CYP7B1: variants seen among roughly 807,000 people sequenced by gnomAD.
CYP7B1 encodes the protein cytochrome P450 family 7 subfamily B member 1, also known as cytochrome P450 7B1.
Under a neutral mutation model 42.7 loss-of-function variants are expected in CYP7B1, and 29 were observed. The ratio of observed to expected loss-of-function variants is 0.68; its 90% CI spans 0.51 to 0.93. The LOEUF (loss-of-function observed/expected upper bound fraction) is 0.93. Among genes scored for constraint, CYP7B1 ranks in the 40% least tolerant of loss-of-function variants. The probability of loss-of-function intolerance (pLI) is 0.00; values close to 1 mark genes in which losing one functional copy is unlikely to be tolerated. For missense variants in CYP7B1, 655 were observed against 600.5 expected, an observed-to-expected ratio of 1.09 and a Z score of -0.95; for synonymous variants, 235 against 218.2, an observed-to-expected ratio of 1.08 and a Z score of -0.68.
intron 1 of CYP7B1, among the ~76,000 whole-genome samples, chr8:64,644,664 G>T (rs1343053082): frequency 6.6e-6 from 1 of 152,096 alleles, no homozygotes. Context: ...TCTCAACAAT[G>T]AACTTAAAAT....
At chr8:64,677,474 G>A (rs993119117) in intron 1 of CYP7B1, among the ~76,000 whole-genome samples, 4 of 148,036 alleles carry the variant, frequency 2.7e-5, no homozygotes, top group South Asian at 2.1e-4. Context: ...ATGATTTCCT[G>A]GTGATTATAT....
At chr8:64,740,594 C>T (rs1262832355) in intron 1 of CYP7B1, among the ~76,000 whole-genome samples, 2 of 151,218 alleles carry the variant, frequency 1.3e-5, no homozygotes, top group Non-Finnish European at 2.9e-5. Context: ...TGATAAATCT[C>T]TAGCCAGGCT....
intron 2 of CYP7B1, among the ~76,000 whole-genome samples, chr8:64,622,996 C>T (rs1449831399): frequency 2.0e-5 from 3 of 151,852 alleles, no homozygotes; most frequent in African/African-American, 7.3e-5. Context: ...TGGCAACACT[C>T]AACAAGCAAA....
At position 64,594,929 on chromosome 8, in the gene CYP7B1, A is replaced by C. The variant is rs1022274970; in HGVS notation, c.*1713T>G. Among the ~76,000 whole-genome samples, 11 of 152,232 alleles carry C rather than the reference A, an allele frequency of 7.2e-5. No homozygotes were observed. The highest frequency in any genetic ancestry group is 1.9e-4 in the African/African-American group (8 of 41,464). On this transcript the variant is annotated 3_prime_UTR_variant, in exon 6 of 6. Coordinates refer to ENST00000310193, the MANE Select transcript of CYP7B1 (RefSeq NM_004820.5). ...GGAGACACCTGTGCTCAGATTCAAGAAGCAGCAGGACATGCAAGCATGAGA... is the reference window on the plus strand; with the variant it reads ...GGAGACACCTGTGCTCAGATTCAAGCAGCAGCAGGACATGCAAGCATGAGA...
chr8:64,665,334 A>G (rs111358882), intron 1 of CYP7B1, among the ~76,000 whole-genome samples: 10 of 152,210 alleles, frequency 6.6e-5, no homozygotes, highest in African/African-American at 2.4e-4. Context: ...TGATATTTTA[A>G]TGAAGTAATT....
At chr8:64,667,976 T>C (rs1369550755) in intron 1 of CYP7B1, among the ~76,000 whole-genome samples, 1 of 152,212 alleles carries the variant, frequency 6.6e-6, no homozygotes, top group Non-Finnish European at 1.5e-5. Context: ...TCTGTACAAC[T>C]CTGAACTTAA....
At position 64,599,355 on chromosome 8, in the gene CYP7B1, A is replaced by AT. The variant is rs1375311778; in HGVS notation, c.1234-2427dup. On this transcript the variant is annotated intron_variant, in intron 5 of 5. Coordinates refer to ENST00000310193, the MANE Select transcript of CYP7B1 (RefSeq NM_004820.5). Reference sequence around the variant, plus strand: ...AGGCGCCCACCACCACGCCCGGCTAATTTTTTGTATTATTAGTAGAGATGG... The same window carrying AT: ...AGGCGCCCACCACCACGCCCGGCTAATTTTTTTGTATTATTAGTAGAGATGG... Among the ~76,000 whole-genome samples the AT allele has an allele frequency of 7.9e-5, 12 of 152,022 alleles. No homozygotes were observed. The East Asian group carries it at 2.3e-3, about 30-fold the overall frequency.
chr8:64,638,872 T>C (rs1233749710), intron 1 of CYP7B1, among the ~76,000 whole-genome samples: 1 of 151,990 alleles, frequency 6.6e-6, no homozygotes. Flanking sequence ...CATGTATATG[T>C]ATTTTAAATT....
intron 1 of CYP7B1, among the ~76,000 whole-genome samples, chr8:64,757,375 A>C (rs893704768): frequency 3.3e-5 from 5 of 152,250 alleles, no homozygotes; most frequent in African/African-American, 1.2e-4. Context: ...TAGGATTATT[A>C]ATGCCCAACA....
chr8:64,702,481 C>T (rs1444644063), intron 1 of CYP7B1, among the ~76,000 whole-genome samples: 1 of 152,038 alleles, frequency 6.6e-6, no homozygotes, highest in East Asian at 1.9e-4. Flanking sequence ...GTTCTGCTTC[C>T]TGTGACTTCG....
chr8:64,682,493 C>T (rs748280504), intron 1 of CYP7B1, among the ~76,000 whole-genome samples: 1 of 152,222 alleles, frequency 6.6e-6, no homozygotes, highest in East Asian at 1.9e-4. Flanking sequence ...CACTGACAGT[C>T]TCCTGGGACT....
intron 1 of CYP7B1, among the ~76,000 whole-genome samples, chr8:64,638,311 T>C (rs1220689711): frequency 6.6e-6 from 1 of 152,116 alleles, no homozygotes; most frequent in Non-Finnish European, 1.5e-5. Context: ...CTTTCTTCCA[T>C]GGTGGCTGGA....
chr8:64,682,231 T>C (rs1047651151), intron 1 of CYP7B1, among the ~76,000 whole-genome samples: 2 of 152,094 alleles, frequency 1.3e-5, no homozygotes, highest in Admixed American at 1.3e-4. Flanking sequence ...AGGGTGCAGT[T>C]TGGCTGGGAT....
intron 1 of CYP7B1, among the ~76,000 whole-genome samples, chr8:64,743,080 C>T (rs945316401): frequency 1.7e-4 from 26 of 152,042 alleles, no homozygotes; most frequent in African/African-American, 3.4e-4. Flanking sequence ...GAATTTTCAC[C>T]GACAACTCTA....
At chr8:64,778,602 T>C (rs1804365373) in intron 1 of CYP7B1, among the ~76,000 whole-genome samples, 2 of 152,130 alleles carry the variant, frequency 1.3e-5, no homozygotes, top group Admixed American at 6.6e-5. Context: ...ATTGTTAAGA[T>C]GAGAAACACA....
chr8:64,616,285 G>GA lies in CYP7B1; in HGVS notation c.260-5dup, dbSNP rs8192896. 58,581 of 1,012,418 alleles carry GA rather than the reference G, an allele frequency of 0.058. No homozygotes were observed. The highest frequency in any genetic ancestry group is 0.075 in the South Asian group (3,474 of 46,452). The allele number at this position is 1,012,418 out of a possible 1,614,324, so 62.7% of individuals were successfully genotyped here. On this transcript the variant is annotated splice_region_variant and splice_polypyrimidine_tract_variant and intron_variant, in intron 2 of 5. Coordinates refer to ENST00000310193, the MANE Select transcript of CYP7B1 (RefSeq NM_004820.5). ...AGGATAAATGTTATGTACTTTCCTA[G>GA]AAAAAAAAAAAGAGAGAGAAAATAT...
chr8:64,725,286 T>G (rs1807307125), intron 1 of CYP7B1, among the ~76,000 whole-genome samples: 1 of 152,254 alleles, frequency 6.6e-6, no homozygotes, highest in Non-Finnish European at 1.5e-5. Context: ...AGCTGTGTTT[T>G]GTTATCAAAG....
chr8:64,771,511 AT>A (rs544591242), intron 1 of CYP7B1, among the ~76,000 whole-genome samples: 143 of 152,184 alleles, frequency 9.4e-4, no homozygotes, highest in Non-Finnish European at 1.8e-3. Flanking sequence ...TCAGCTTCAA[AT>A]AACAGAAACT....
intron 1 of CYP7B1, among the ~76,000 whole-genome samples, chr8:64,738,174 T>G (rs866139920): frequency 2.6e-5 from 4 of 152,242 alleles, no homozygotes; most frequent in Admixed American, 6.5e-5. Context: ...TGTGTAATTG[T>G]AAAAATACTT....
Sources: gnomAD v4.1 joint callset for allele counts (sites outside exome capture counted in the v4.1 genomes callset) on GRCh38, gnomAD v4.1.1 for gene constraint, MANE v1.5 for transcripts, NCBI Gene and HGNC (gene_info 2026-07-23, HGNC 2026-07-21) for gene names.